LRTM3: variants seen among roughly 807,000 people sequenced by gnomAD.
The protein encoded by LRTM3 is leucine rich repeat transmembrane protein 3, also known as leucine-rich repeat transmembrane protein 3.
At chr13:102,747,714 T>C in the LRTM3 span, 1 of 1,551,164 alleles carries the variant, frequency 6.4e-7, no homozygotes, top group Admixed American at 2.0e-5. Context: ...GCACTCTCTC[T>C]GTCTGTAGGT....
At chr13:102,745,622 T>C in the LRTM3 span, 1 of 1,551,020 alleles carries the variant, frequency 6.4e-7, no homozygotes, top group Non-Finnish European at 8.7e-7. Flanking sequence ...TTGTTTTAAG[T>C]TTCTCGTCGT....
chr13:102,736,188 G>GGTT, the LRTM3 span: 1 of 1,547,814 alleles, frequency 6.5e-7, no homozygotes, highest in Non-Finnish European at 8.7e-7. Flanking sequence ...GAGAATCTAT[G>GGTT]GTGAGAGAGA....
At chr13:102,737,582 T>C in the LRTM3 span, 1 of 1,550,838 alleles carries the variant, frequency 6.4e-7, no homozygotes, top group Non-Finnish European at 8.7e-7. Flanking sequence ...CTCTTTAGGA[T>C]TCAGTGGTAG....
At chr13:102,737,603 A>C in the LRTM3 span, 2 of 1,550,518 alleles carry the variant, frequency 1.3e-6, no homozygotes, top group Admixed American at 3.9e-5. Context: ...GTTCTGTGAA[A>C]GTGCCTTCTT....
At chr13:102,738,282 C>T in the LRTM3 span, 1 of 1,550,672 alleles carries the variant, frequency 6.4e-7, no homozygotes, top group South Asian at 1.2e-5. Context: ...GTGATATCAC[C>T]CTTACTGGCC....
chr13:102,732,222 G>C, the LRTM3 span: 7 of 1,551,290 alleles, frequency 4.5e-6, no homozygotes, highest in Non-Finnish European at 5.2e-6. Flanking sequence ...TTTGTCTTAG[G>C]GTCAGTGTGA....
At chr13:102,757,794 A>G in the LRTM3 span, among the ~76,000 whole-genome samples, 22 of 152,306 alleles carry the variant, frequency 1.4e-4, no homozygotes, top group South Asian at 2.9e-3. Flanking sequence ...ACTTTCCTGT[A>G]TGTATACATC....
the LRTM3 span, chr13:102,758,673 A>C: frequency 6.6e-7 from 1 of 1,518,742 alleles, no homozygotes; most frequent in East Asian, 2.5e-5. Flanking sequence ...GAAAACTAGG[A>C]AAAGGGGAAA....
chr13:102,746,287 A>C, the LRTM3 span: 1 of 1,550,990 alleles, frequency 6.4e-7, no homozygotes, highest in Non-Finnish European at 8.7e-7. Context: ...CTTCTAATAA[A>C]ACTTTATGTT....
the LRTM3 span, chr13:102,747,155 G>A: frequency 5.6e-4 from 873 of 1,550,664 alleles, 5 homozygotes; most frequent in African/African-American, 0.01. Flanking sequence ...AATGAAATAT[G>A]GATACTTTTC....
At chr13:102,749,998 A>G in the LRTM3 span, 1 of 1,550,382 alleles carries the variant, frequency 6.5e-7, no homozygotes, top group Non-Finnish European at 8.7e-7. Flanking sequence ...CAAGAGGGCA[A>G]GGTGCCACAT....
chr13:102,734,631 C>A, the LRTM3 span: 2 of 1,550,802 alleles, frequency 1.3e-6, no homozygotes, highest in Non-Finnish European at 1.7e-6. Flanking sequence ...TTTTTAACAT[C>A]TTTTGGGATA....
At chr13:102,743,790 T>C in the LRTM3 span, 1 of 1,550,526 alleles carries the variant, frequency 6.4e-7, no homozygotes, top group Non-Finnish European at 8.7e-7. Context: ...ATTGACGACT[T>C]CTTTTCCTTC....
At chr13:102,749,145 C>T in the LRTM3 span, 1 of 1,550,556 alleles carries the variant, frequency 6.4e-7, no homozygotes, top group African/African-American at 1.4e-5. Flanking sequence ...CATCCTAACT[C>T]ATTCCTATTT....
At chr13:102,751,049 G>A in the LRTM3 span, among the ~76,000 whole-genome samples, 11 of 152,208 alleles carry the variant, frequency 7.2e-5, no homozygotes, top group African/African-American at 2.6e-4. Context: ...CCAGAGATAT[G>A]GTCAAACATT....
the LRTM3 span, chr13:102,730,050 A>T: frequency 2.6e-6 from 4 of 1,551,390 alleles, no homozygotes; most frequent in Non-Finnish European, 3.5e-6. Context: ...GTATTTGATG[A>T]ACTATGACAC....
chr13:102,735,563 G>A, the LRTM3 span: 6 of 1,550,840 alleles, frequency 3.9e-6, no homozygotes, highest in African/African-American at 1.4e-5. Context: ...CAATTTTTTG[G>A]TATTGAGTAT....
chr13:102,735,087 T>G, the LRTM3 span: 1 of 1,551,228 alleles, frequency 6.4e-7, no homozygotes, highest in South Asian at 1.2e-5. Flanking sequence ...CTAGAAGGAC[T>G]CTTAGACAAC....
chr13:102,749,965 A>ATC, the LRTM3 span: 1 of 1,551,014 alleles, frequency 6.4e-7, no homozygotes, highest in African/African-American at 1.4e-5. Context: ...GTCTAACTTG[A>ATC]TCTCTAGAAA....
Sources: gnomAD v4.1 joint callset for allele counts (sites outside exome capture counted in the v4.1 genomes callset) on GRCh38, gnomAD v4.1.1 for gene constraint, MANE v1.5 for transcripts, NCBI Gene and HGNC (gene_info 2026-07-23, HGNC 2026-07-21) for gene names.